NACC2: variants seen among roughly 807,000 people sequenced by gnomAD.
The protein encoded by NACC2 is nucleus accumbens-associated protein 2.
NACC2 carries 8 observed loss-of-function variants against 25.1 expected under a neutral mutation model. The ratio of observed to expected loss-of-function variants is 0.32; its 90% CI spans 0.19 to 0.57. NACC2 has a LOEUF of 0.57. Ranked by LOEUF, NACC2 falls within the 20% of genes least tolerant of loss-of-function variation. The pLI, the probability that NACC2 is intolerant of heterozygous loss-of-function variation, is 0.89. For synonymous variants in NACC2, 435 were observed against 294.7 expected, an observed-to-expected ratio of 1.48 and a Z score of -4.88; for missense variants, 644 against 650.2, an observed-to-expected ratio of 0.99 and a Z score of 0.10.
intron 1 of NACC2, among the ~76,000 whole-genome samples, chr9:136,070,929 A>T (rs1032986714): frequency 6.6e-6 from 1 of 151,834 alleles, no homozygotes. Context: ...TAACGTGGAA[A>T]TAGTAAGAAC....
At position 136,037,512 on chromosome 9, in the gene NACC2, A is replaced by ATT. The variant is rs34316222; in HGVS notation, c.886+12122_886+12123dup. Reference sequence around the variant, plus strand: ...TGATTTTGTATGCACTTAAATTTTCATTTTTTTTTTTTTGAGACAGAGTCT... The same window carrying ATT: ...TGATTTTGTATGCACTTAAATTTTCATTTTTTTTTTTTTTTGAGACAGAGTCT... On this transcript the variant is annotated intron_variant, in intron 2 of 5. Coordinates refer to ENST00000277554, the MANE Select transcript of NACC2 (RefSeq NM_144653.5). 5.9e-3 allele frequency among the ~76,000 whole-genome samples: 852 copies of ATT among 143,566 alleles called. 4 individuals carry two copies. The highest frequency in any genetic ancestry group is 9.3e-3 in the Non-Finnish European group (613 of 66,086). 94.2% of individuals were successfully genotyped at this position (143,566 alleles called of 152,430 possible).
intron 1 of NACC2, among the ~76,000 whole-genome samples, chr9:136,069,115 C>T (rs1050897617): frequency 6.9e-6 from 1 of 145,728 alleles, no homozygotes; most frequent in East Asian, 2.2e-4. Flanking sequence ...ACCAAGTTGG[C>T]CAGGCTGGTC....
chr9:136,047,995 A>G (rs956523516), intron 2 of NACC2, among the ~76,000 whole-genome samples: 1 of 152,210 alleles, frequency 6.6e-6, no homozygotes, highest in East Asian at 1.9e-4. Context: ...CCCTGGGAAG[A>G]TGTTTGGATA....
At chr9:136,044,929 CCAG>C (rs1840698297) in intron 2 of NACC2, among the ~76,000 whole-genome samples, 1 of 152,176 alleles carries the variant, frequency 6.6e-6, no homozygotes, top group Non-Finnish European at 1.5e-5. Context: ...ATGGACGGGG[CCAG>C]TGCTGACCTT....
In NACC2 at chr9:136,049,653, G is replaced by A. The variant is rs1840785787; in HGVS notation, c.869C>T (p.Ala290Val). The A allele has an allele frequency of 7.7e-6, 6 of 777,694 alleles. No homozygotes were observed. The highest frequency in any genetic ancestry group is 2.4e-5 in the East Asian group (1 of 40,870). The allele number at this position is 777,694 out of a possible 1,614,324, so 48.2% of individuals were successfully genotyped here. The change falls in exon 2 of 6, where the codon GCC becomes GTC. Residue 290 changes from alanine (A) to valine (V), a missense_variant. Ala to Val is a moderately conservative substitution (Grantham distance 64, BLOSUM62 0). Coordinates refer to ENST00000277554, the MANE Select transcript of NACC2 (RefSeq NM_144653.5). ...CGCGTTACCTGCATAGCTGCCGGAG[G>A]CCTTGATGTACATCTGGCCGTACTG... ...EEQYGQMYIK[A>V]SGSYAVQEKP...
At chr9:136,029,308 A>G (rs114393934) in intron 2 of NACC2, among the ~76,000 whole-genome samples, 1,572 of 152,146 alleles carry the variant, frequency 0.01, 32 homozygotes, top group African/African-American at 0.036. Flanking sequence ...CTGAGAGCTG[A>G]GCAGATGTTG....
intron 2 of NACC2, among the ~76,000 whole-genome samples, chr9:136,048,515 C>A (rs1362836720): frequency 6.6e-6 from 1 of 152,238 alleles, no homozygotes; most frequent in East Asian, 1.9e-4. Flanking sequence ...ATCGAGGTGG[C>A]CTGTGAGCTG....
chr9:136,083,466 C>A (rs1434443601), intron 1 of NACC2, among the ~76,000 whole-genome samples: 1 of 152,204 alleles, frequency 6.6e-6, no homozygotes, highest in Admixed American at 6.5e-5. Flanking sequence ...ACCCCAAACT[C>A]GAATGTGACT....
chr9:136,066,891 A>G (rs1841090168), intron 1 of NACC2, among the ~76,000 whole-genome samples: 1 of 152,100 alleles, frequency 6.6e-6, no homozygotes, highest in African/African-American at 2.4e-5. Flanking sequence ...ACAAGAGGGC[A>G]CATATTATGA....
At chr9:136,077,050 G>C (rs4841913) in intron 1 of NACC2, among the ~76,000 whole-genome samples, 110,421 of 149,140 alleles carry the variant, frequency 0.74, 44,398 homozygotes, top group East Asian at 0.98. Context: ...TGTGGTGGCG[G>C]GCGCCTGTAG....
At position 136,023,961 on chromosome 9, in the gene NACC2, C is replaced by A. The variant is rs372692346; in HGVS notation, c.887-7532G>T. ...CAACCACACAAATGCACAACCCCCC[C>A]CACACACACGTGCACATGCGTCAGA... On this transcript the variant is annotated intron_variant, in intron 2 of 5. Coordinates refer to ENST00000277554, the MANE Select transcript of NACC2 (RefSeq NM_144653.5). Among the ~76,000 whole-genome samples the A allele has an allele frequency of 4.2e-3, 645 of 152,344 alleles. 4 individuals are homozygous for A. The highest frequency in any genetic ancestry group is 0.013 in the African/African-American group (557 of 41,584).
At chr9:136,090,141 G>T (rs1830420274) in intron 1 of NACC2, among the ~76,000 whole-genome samples, 1 of 152,268 alleles carries the variant, frequency 6.6e-6, no homozygotes, top group African/African-American at 2.4e-5. Context: ...AGCAAAGATG[G>T]TACTTCCCCT....
intron 1 of NACC2, among the ~76,000 whole-genome samples, chr9:136,081,063 A>G (rs1291572875): frequency 1.3e-5 from 2 of 152,086 alleles, no homozygotes; most frequent in Admixed American, 1.3e-4. Context: ...AGGGTCACGG[A>G]TCACGAACGG....
intron 2 of NACC2, among the ~76,000 whole-genome samples, chr9:136,021,096 G>A (rs1281663898): frequency 6.6e-6 from 1 of 152,174 alleles, no homozygotes; most frequent in Non-Finnish European, 1.5e-5. Context: ...AAACAAGCTA[G>A]CCACAGACTG....
intron 1 of NACC2, among the ~76,000 whole-genome samples, chr9:136,089,449 C>G (rs1291480466): frequency 1.3e-5 from 2 of 152,048 alleles, no homozygotes; most frequent in Non-Finnish European, 2.9e-5. Flanking sequence ...CAAGGCCCTT[C>G]AGGTTCTGCT....
chr9:136,013,178 G>T lies in NACC2; in HGVS notation c.1255+21C>A. ...AACCCAGCCCCGGCCCCACCCACCC[G>T]AGAGACCCCCAGGCTCTTACATTTC... On this transcript the variant is annotated intron_variant, in intron 5 of 5. Transcript: ENST00000277554. This position sits in a 1 kb window ranked among gnomAD's most constrained non-coding sequence, Gnocchi z 6.6. 3 of 407,820 alleles carry T rather than the reference G, an allele frequency of 7.4e-6. No homozygotes were observed. Among genetic ancestry groups the T allele is most frequent in the Non-Finnish European group, 8.5e-6 (2 of 235,762 alleles). The allele number at this position is 407,820 out of a possible 1,614,324, so 25.3% of individuals were successfully genotyped here. A position where few individuals can be genotyped will look rare whatever the true frequency, so the allele number is the denominator to read the frequency against.
intron 2 of NACC2, among the ~76,000 whole-genome samples, chr9:136,031,926 G>A (rs914923368): frequency 7.0e-6 from 1 of 143,536 alleles, no homozygotes; most frequent in Admixed American, 6.7e-5. Flanking sequence ...ACCCACAGCT[G>A]ATGTGTATGG....
chr9:136,065,811 C>CA (rs34024892), intron 1 of NACC2, among the ~76,000 whole-genome samples: 54,045 of 136,648 alleles, frequency 0.4, 10,896 homozygotes, highest in Non-Finnish European at 0.49. Context: ...ACCCTGTCTC[C>CA]AAAAAAAAAA....
chr9:136,085,926 G>A (rs1208770335), intron 1 of NACC2, among the ~76,000 whole-genome samples: 1 of 151,854 alleles, frequency 6.6e-6, no homozygotes, highest in African/African-American at 2.4e-5. Context: ...AATGGGAGGG[G>A]CTGGCAGAGC....
Sources: gnomAD v4.1 joint callset for allele counts (sites outside exome capture counted in the v4.1 genomes callset) on GRCh38, gnomAD v4.1.1 for gene constraint, Gnocchi (gnomAD v3.1) non-coding constraint, MANE v1.5 for transcripts, NCBI Gene and HGNC (gene_info 2026-07-23, HGNC 2026-07-21) for gene names.